Variants in EPHA6 observed in about 807,000 individuals in gnomAD.
The protein encoded by EPHA6 is ephrin type-A receptor 6.
Under a neutral mutation model 112.0 loss-of-function variants are expected in EPHA6, and 50 were observed. The ratio of observed to expected loss-of-function variants is 0.45; its 90% confidence interval spans 0.36 to 0.56. The LOEUF is 0.56. EPHA6 is among the 20% of genes least tolerant of loss of function. The pLI, the probability that EPHA6 is intolerant of heterozygous loss-of-function variation, is 0.00. For synonymous variants in EPHA6, 529 were observed against 490.7 expected (o/e 1.08, Z -1.03); for missense variants, 1,280 against 1,417.4 (o/e 0.90, Z 1.56).
At chr3:96,836,806 A>G (rs1377404569) in intron 1 of EPHA6, among the ~76,000 whole-genome samples, 3 of 150,102 alleles carry the variant, frequency 2.0e-5, no homozygotes, top group African/African-American at 7.6e-5. Context: ...CTGTGCTGCC[A>G]ACACACATAG....
chr3:97,730,798 G>T (rs1471198785), intron 15 of EPHA6, among the ~76,000 whole-genome samples: 3 of 152,238 alleles, frequency 2.0e-5, no homozygotes, highest in African/African-American at 7.2e-5. Context: ...TCTTTGACTT[G>T]ACAAGGCATT....
chr3:97,424,878 A>G (rs191439430), intron 6 of EPHA6, among the ~76,000 whole-genome samples: 2 of 152,176 alleles, frequency 1.3e-5, no homozygotes, highest in East Asian at 1.9e-4. Context: ...GGGTAAATAC[A>G]CCTGTTCCAC....
At chr3:97,742,502 A>G (rs887041098) in intron 16 of EPHA6, among the ~76,000 whole-genome samples, 20 of 152,038 alleles carry the variant, frequency 1.3e-4, no homozygotes, top group African/African-American at 4.8e-4. Flanking sequence ...ATTCCTTCAT[A>G]TTTTTCACTA....
chr3:96,936,259 C>T (rs1553734957), intron 2 of EPHA6, among the ~76,000 whole-genome samples: 1 of 151,988 alleles, frequency 6.6e-6, no homozygotes, highest in Non-Finnish European at 1.5e-5. Flanking sequence ...TTCCACTTAA[C>T]ATTTATTTCT....
At chr3:97,443,672 T>A (rs2090221510) in intron 6 of EPHA6, among the ~76,000 whole-genome samples, 1 of 152,154 alleles carries the variant, frequency 6.6e-6, no homozygotes, top group South Asian at 2.1e-4. Flanking sequence ...ATGGATTTGT[T>A]AACCTTAATA....
chr3:97,115,241 A>T (rs1224143103), intron 3 of EPHA6, among the ~76,000 whole-genome samples: 1 of 151,930 alleles, frequency 6.6e-6, no homozygotes, highest in South Asian at 2.1e-4. Context: ...ATTTTGGGTC[A>T]TATTACGTAG....
intron 14 of EPHA6, among the ~76,000 whole-genome samples, chr3:97,718,182 T>A (rs2034336622): frequency 1.3e-5 from 2 of 152,174 alleles, no homozygotes; most frequent in African/African-American, 2.4e-5. Context: ...CTTAAATAGC[T>A]CAATATGCAG....
intron 3 of EPHA6, among the ~76,000 whole-genome samples, chr3:97,175,574 G>A (rs540153109): frequency 3.9e-4 from 59 of 151,832 alleles, no homozygotes; most frequent in African/African-American, 1.3e-3. Flanking sequence ...TCCTTCATCA[G>A]TGTTTTATAG....
At chr3:96,897,710 C>G (rs2038358148) in intron 2 of EPHA6, among the ~76,000 whole-genome samples, 1 of 152,148 alleles carries the variant, frequency 6.6e-6, no homozygotes, top group Admixed American at 6.5e-5. Context: ...GAGGTGCTAA[C>G]TAAAATTAAA....
At chr3:97,113,018 C>CA (rs2047770465) in intron 3 of EPHA6, among the ~76,000 whole-genome samples, 1 of 152,058 alleles carries the variant, frequency 6.6e-6, no homozygotes, top group Non-Finnish European at 1.5e-5. Flanking sequence ...GCATACTTGA[C>CA]TTGTTTTTAG....
intron 15 of EPHA6, among the ~76,000 whole-genome samples, chr3:97,723,707 A>G (rs1576355348): frequency 9.8e-6 from 1 of 102,184 alleles, no homozygotes; most frequent in African/African-American, 3.1e-5. Context: ...CTGGGGGGTG[A>G]AAAAAAACCC....
Position 96,815,019 on chromosome 3 carries a change from G to T in EPHA6, c.385+11G>T. The T allele has an allele frequency of 3.3e-6, 5 of 1,498,020 alleles. No homozygotes were observed. The highest frequency in any genetic ancestry group is 2.7e-6 in the Non-Finnish European group (3 of 1,116,776). 92.8% of individuals were successfully genotyped at this position (1,498,020 alleles called of 1,614,324 possible). A position where few individuals can be genotyped will look rare whatever the true frequency, so the allele number is the denominator to read the frequency against. ...TCTCCAACAACCAAGGTAAGGGACGGGGCGGAGGAGCGGGAGTGGGTGGGA... is the reference window on the plus strand; with the variant it reads ...TCTCCAACAACCAAGGTAAGGGACGTGGCGGAGGAGCGGGAGTGGGTGGGA... On this transcript the variant is annotated intron_variant, in intron 1 of 17. Coordinates refer to ENST00000389672, the MANE Select transcript of EPHA6 (RefSeq NM_001080448.3).
intron 4 of EPHA6, among the ~76,000 whole-genome samples, chr3:97,234,053 A>T (rs2078611258): frequency 6.6e-6 from 1 of 152,108 alleles, no homozygotes; most frequent in African/African-American, 2.4e-5. Context: ...AGTTTTACAG[A>T]TTTCTTTGGG....
At chr3:97,154,213 T>C (rs1001267018) in intron 3 of EPHA6, among the ~76,000 whole-genome samples, 2 of 152,040 alleles carry the variant, frequency 1.3e-5, no homozygotes, top group African/African-American at 4.8e-5. Context: ...ATTAGGGCAC[T>C]GATACATCCA....
chr3:96,882,736 G>C (rs1168760199), intron 2 of EPHA6, among the ~76,000 whole-genome samples: 1 of 134,698 alleles, frequency 7.4e-6, no homozygotes, highest in East Asian at 2.2e-4. Context: ...GTGTCTGTGT[G>C]TGTGTGTGTG....
intron 3 of EPHA6, among the ~76,000 whole-genome samples, chr3:97,029,346 GTTT>G (rs1048324165): frequency 6.6e-6 from 1 of 151,488 alleles, no homozygotes; most frequent in African/African-American, 2.4e-5. Context: ...CCCCTGTGAT[GTTT>G]TTAATAAATT....
At chr3:97,636,862 A>T (rs1319513241) in intron 13 of EPHA6, among the ~76,000 whole-genome samples, 3 of 152,148 alleles carry the variant, frequency 2.0e-5, no homozygotes, top group Non-Finnish European at 2.9e-5. Context: ...AATATCATTC[A>T]TAAATAAATG....
intron 5 of EPHA6, among the ~76,000 whole-genome samples, chr3:97,392,990 C>G (rs2086502626): frequency 6.6e-6 from 1 of 151,676 alleles, no homozygotes; most frequent in South Asian, 2.1e-4. Context: ...TTGTACAGAT[C>G]AAATAATAAT....
chr3:97,564,064 T>C (rs2093227879), intron 11 of EPHA6, among the ~76,000 whole-genome samples: 1 of 152,060 alleles, frequency 6.6e-6, no homozygotes, highest in South Asian at 2.1e-4. Context: ...GAGCAATTAA[T>C]AGAAGTGTGA....
Sources: allele counts gnomAD v4.1 joint callset (sites outside exome capture counted in the v4.1 genomes callset), GRCh38; gene constraint gnomAD v4.1.1; transcripts MANE v1.5; gene names NCBI Gene and HGNC (gene_info 2026-07-23, HGNC 2026-07-21).